The following COG5 variants were observed in gnomAD, a reference collection of about 807,000 sequenced individuals.
The protein encoded by COG5 is conserved oligomeric Golgi complex subunit 5.
A neutral mutation model predicts 110.4 loss-of-function variants in COG5; 86 were observed. The observed-to-expected ratio is 0.78, with a 90% CI of 0.65 to 0.93. The LOEUF is 0.93. Ranked by LOEUF, COG5 falls within the 40% of genes least tolerant of loss-of-function variation. The pLI is 0.00. For synonymous variants in COG5, 360 were observed against 334.6 expected (o/e 1.08, Z -0.83); for missense variants, 1,077 against 987.0 (o/e 1.09, Z -1.22).
chr7:107,512,104 T>C (rs547454408), intron 6 of COG5, among the ~76,000 whole-genome samples: 1 of 152,296 alleles, frequency 6.6e-6, no homozygotes, highest in South Asian at 2.1e-4. Flanking sequence ...GGAAGCCAAA[T>C]TGTCCCTGTT....
chr7:107,354,570 G>C (rs1812463410), intron 10 of COG5, among the ~76,000 whole-genome samples: 1 of 152,164 alleles, frequency 6.6e-6, no homozygotes, highest in Non-Finnish European at 1.5e-5. Context: ...CAGCTATTCA[G>C]GAAGCTGAGG....
chr7:107,496,284 T>A (rs1202811798), intron 6 of COG5, among the ~76,000 whole-genome samples: 2 of 152,142 alleles, frequency 1.3e-5, no homozygotes, highest in Non-Finnish European at 2.9e-5. Flanking sequence ...GCAAACCAAA[T>A]TCAGCTGTGT....
chr7:107,532,640 C>G (rs1049948750), intron 5 of COG5, among the ~76,000 whole-genome samples: 1 of 151,962 alleles, frequency 6.6e-6, no homozygotes. Flanking sequence ...AGGATTTAGC[C>G]TTCTTACATC....
intron 5 of COG5, among the ~76,000 whole-genome samples, chr7:107,532,489 C>T (rs1378544333): frequency 6.6e-6 from 1 of 152,158 alleles, no homozygotes; most frequent in South Asian, 2.1e-4. Flanking sequence ...CCACAATACA[C>T]ATAAAACATT....
intron 17 of COG5, among the ~76,000 whole-genome samples, chr7:107,238,467 T>C (rs1308565050): frequency 6.9e-6 from 1 of 145,870 alleles, no homozygotes; most frequent in East Asian, 2.0e-4. Context: ...AACATGGAAG[T>C]GCGTATATCT....
At chr7:107,276,046 A>C (rs1804681535) in intron 14 of COG5, among the ~76,000 whole-genome samples, 1 of 151,124 alleles carries the variant, frequency 6.6e-6, no homozygotes. Context: ...ATCTGCATTG[A>C]AGTTGAGACC....
At chr7:107,469,327 G>A (rs1440241108) in intron 6 of COG5, among the ~76,000 whole-genome samples, 1 of 151,986 alleles carries the variant, frequency 6.6e-6, no homozygotes, top group Non-Finnish European at 1.5e-5. Context: ...CCAAATAAAA[G>A]GGTTATGAAA....
rs112464511 is a variant in COG5 at position 107,408,413 on chromosome 7, C to G, written c.669+4089G>C. 3.3e-3 allele frequency among the ~76,000 whole-genome samples: 501 copies of G among 152,300 alleles called. 4 individuals are homozygous for G. The highest frequency in any genetic ancestry group is 0.011 in the African/African-American group (471 of 41,576). On this transcript the variant is annotated intron_variant, in intron 7 of 21. Transcript: ENST00000297135. ...ACAGGAGAAGATATATTTGACAACT[C>G]TGTATTTTAATATTCTGAGTTACAG...
At chr7:107,213,163 AG>A (rs1323217515) in intron 19 of COG5, among the ~76,000 whole-genome samples, 4 of 152,250 alleles carry the variant, frequency 2.6e-5, no homozygotes, top group Middle Eastern at 3.4e-3. Flanking sequence ...CTACCTACAA[AG>A]CTGAGTCGGC....
intron 16 of COG5, among the ~76,000 whole-genome samples, chr7:107,255,058 A>T (rs146818780): frequency 1.3e-5 from 2 of 152,298 alleles, no homozygotes; most frequent in Non-Finnish European, 2.9e-5. Flanking sequence ...ATATTTATAA[A>T]TGCTTATTAC....
At chr7:107,283,548 G>A (rs761299244) in intron 13 of COG5, 23 bp downstream of exon 13, 27 of 1,599,804 alleles carry the variant, frequency 1.7e-5, no homozygotes, top group Non-Finnish European at 2.1e-5. Flanking sequence ...CTTATGGCAA[G>A]CCACTATATA....
intron 6 of COG5, among the ~76,000 whole-genome samples, chr7:107,501,267 A>C (rs1302954542): frequency 6.6e-6 from 1 of 152,066 alleles, no homozygotes. Context: ...AGAACTTGAG[A>C]ACTATTGGCA....
At chr7:107,553,974 C>A (rs1231849118) in intron 3 of COG5, among the ~76,000 whole-genome samples, 3 of 152,130 alleles carry the variant, frequency 2.0e-5, no homozygotes, top group Non-Finnish European at 4.4e-5. Context: ...AATAAGAAAA[C>A]TGAGGCAGAA....
At chr7:107,270,678 A>G (rs1358582040) in intron 14 of COG5, among the ~76,000 whole-genome samples, 3 of 152,082 alleles carry the variant, frequency 2.0e-5, no homozygotes, top group African/African-American at 7.3e-5. Context: ...CCAAACTTCC[A>G]AAATATATAC....
At position 107,362,334 on chromosome 7, in the gene COG5, C is replaced by A; in HGVS notation, c.922G>T (p.Asp308Tyr). ...SFWTNMEKLM[D>Y]HIYAVCGQVQ... ...TGTCCACAAACAGCATAAATATGAT[C>A]CATAAGTTTCTCCATATTGGTCCAG... The change falls in exon 9 of 22, where the codon GAT becomes TAT. Residue 308 changes from aspartate (D) to tyrosine (Y), a missense_variant. Physicochemically the swap from Asp to Tyr is radical, Grantham distance 160. Transcript: ENST00000297135. 6.2e-7 allele frequency: 1 copy of A among 1,611,260 alleles called. No homozygotes were observed. Among genetic ancestry groups the A allele is most frequent in the Non-Finnish European group, 8.5e-7 (1 of 1,177,472 alleles).
Position 107,262,320 on chromosome 7 carries a change from G to A in COG5, c.1576-3937C>T, listed in dbSNP as rs368433004. Among the ~76,000 whole-genome samples the A allele has an allele frequency of 3.0e-4, 46 of 152,132 alleles. No individual in the cohort carries two copies. In the South Asian group the frequency reaches 8.3e-3, roughly 28 times the overall value. On this transcript the variant is annotated intron_variant, in intron 14 of 21. Coordinates refer to ENST00000297135, the MANE Select transcript of COG5 (RefSeq NM_006348.5). The stretch of plus-strand genomic sequence containing the variant: ...TTCCTTCCTTTCTGGATTAGATTAC[G>A]TGATTCATTAAAATCAATTTCAGCA...
rs1002760758 is a variant in COG5, at chr7:107,525,743, T to C, written c.538+1494A>G. Among the ~76,000 whole-genome samples the C allele has an allele frequency of 2.9e-4, 44 of 151,998 alleles. 1 individual carries two copies. Among genetic ancestry groups the C allele is most frequent in the Admixed American group, 2.7e-3 (41 of 15,242 alleles). ...TTTATTTTGTTTTAATTTCCTTTAC[T>C]TCTCAATTTTTACTTTTTAGAGCCA... On this transcript the variant is annotated intron_variant, in intron 6 of 21. Coordinates refer to ENST00000297135, the MANE Select transcript of COG5 (RefSeq NM_006348.5).
chr7:107,419,671 G>T (rs905030481), intron 6 of COG5, among the ~76,000 whole-genome samples: 13 of 151,608 alleles, frequency 8.6e-5, no homozygotes, highest in African/African-American at 2.9e-4. Flanking sequence ...AGGTTCAAGC[G>T]ATTCTCCTGT....
At chr7:107,445,149 C>T (rs1794931246) in intron 6 of COG5, among the ~76,000 whole-genome samples, 2 of 151,746 alleles carry the variant, frequency 1.3e-5, no homozygotes, top group African/African-American at 4.8e-5. Context: ...TGCAGTGAGC[C>T]GTGATTAGGC....
Sources: allele counts gnomAD v4.1 joint callset (sites outside exome capture counted in the v4.1 genomes callset), GRCh38; gene constraint gnomAD v4.1.1; transcripts MANE v1.5; gene names NCBI Gene and HGNC (gene_info 2026-07-23, HGNC 2026-07-21).